Variants in HMBOX1 observed in about 807,000 individuals in gnomAD.
The protein encoded by HMBOX1 is homeobox-containing protein 1.
HMBOX1 carries 14 observed loss-of-function variants against 54.5 expected under a neutral mutation model. That is an observed-to-expected ratio of 0.26 (90% CI 0.17 to 0.40). HMBOX1 has a LOEUF of 0.40. Ranked by LOEUF, HMBOX1 falls within the 10% of genes least tolerant of loss-of-function variation. The pLI is 1.00. For synonymous variants in HMBOX1, 160 were observed against 181.0 expected (o/e 0.88, Z 0.93); for missense variants, 332 against 514.4 (o/e 0.65, Z 3.43).
At chr8:28,966,108 T>C (rs929063684) in intron 2 of HMBOX1, among the ~76,000 whole-genome samples, 3 of 152,334 alleles carry the variant, frequency 2.0e-5, no homozygotes, top group African/African-American at 7.2e-5. Flanking sequence ...TCAAGATTAA[T>C]TATTTGTGAA....
At chr8:28,968,088 A>G (rs1170985882) in intron 2 of HMBOX1, among the ~76,000 whole-genome samples, 1 of 152,252 alleles carries the variant, frequency 6.6e-6, no homozygotes, top group African/African-American at 2.4e-5. Flanking sequence ...ATGCAGATTC[A>G]TATGGAAATT....
chr8:28,974,769 C>T (rs1487553734), intron 3 of HMBOX1, among the ~76,000 whole-genome samples: 2 of 152,124 alleles, frequency 1.3e-5, no homozygotes, highest in African/African-American at 4.8e-5. Flanking sequence ...TTTATTCAAA[C>T]ATGAAAGAAA....
chr8:28,905,015 A>G (rs1030404028), intron 1 of HMBOX1, among the ~76,000 whole-genome samples: 1 of 152,316 alleles, frequency 6.6e-6, no homozygotes, highest in African/African-American at 2.4e-5. Context: ...AGTATAATCA[A>G]ATTCCACAGT....
intron 1 of HMBOX1, among the ~76,000 whole-genome samples, chr8:28,963,275 C>T (rs1243123335): frequency 2.0e-5 from 3 of 152,276 alleles, no homozygotes; most frequent in African/African-American, 2.4e-5. Flanking sequence ...TGAGCCACCA[C>T]GCCTGGCCTG....
intron 6 of HMBOX1, among the ~76,000 whole-genome samples, chr8:29,033,123 G>A (rs937736215): frequency 1.3e-5 from 2 of 152,024 alleles, no homozygotes; most frequent in Admixed American, 6.6e-5. Flanking sequence ...GATGTAAAAC[G>A]TGCACTCTGC....
chr8:29,009,344 CT>C lies in HMBOX1; in HGVS notation c.697+163del, dbSNP rs1406304796. 3 of 665,040 alleles carry C rather than the reference CT, an allele frequency of 4.5e-6. No individual in the cohort carries two copies. The African/African-American group carries it at 5.9e-5, about 13-fold the overall frequency. The allele number at this position is 665,040 out of a possible 1,614,324, so 41.2% of individuals were successfully genotyped here. ...CTTAACAGTAAAAGCTAAACCCTGA[CT>C]GTAATAAATTTTATTTTATTGTCTA... On this transcript the variant is annotated intron_variant, in intron 5 of 9. Coordinates refer to ENST00000287701, the MANE Select transcript of HMBOX1 (RefSeq NM_001135726.3).
chr8:28,893,417 G>A (rs1811433197), intron 1 of HMBOX1, among the ~76,000 whole-genome samples: 2 of 152,180 alleles, frequency 1.3e-5, no homozygotes, highest in Admixed American at 1.3e-4. Context: ...GATGTTGCCT[G>A]TATTATGGGA....
chr8:29,006,338 G>T (rs552524398), intron 4 of HMBOX1, among the ~76,000 whole-genome samples: 1 of 152,024 alleles, frequency 6.6e-6, no homozygotes, highest in Non-Finnish European at 1.5e-5. Flanking sequence ...CACATTGGGG[G>T]CTATTATGGA....
chr8:28,895,184 G>A (rs527919851), intron 1 of HMBOX1, among the ~76,000 whole-genome samples: 158 of 152,280 alleles, frequency 1.0e-3, no homozygotes, highest in Admixed American at 3.1e-3. Flanking sequence ...TTTATCTTAT[G>A]TCCAGAGATG....
At chr8:28,977,327 T>G (rs866960305) in intron 3 of HMBOX1, among the ~76,000 whole-genome samples, 6 of 152,244 alleles carry the variant, frequency 3.9e-5, no homozygotes, top group African/African-American at 1.4e-4. Context: ...TTAACCTGAA[T>G]AAATATTCTC....
chr8:28,974,597 C>T lies in HMBOX1; in HGVS notation c.500+4078C>T, dbSNP rs189931019. ...GATTATCTATAGGCTAAGTATTTTA[C>T]TTGCCTAAGTAGGATGTGCATGTTC... On this transcript the variant is annotated intron_variant, in intron 3 of 9. Coordinates refer to ENST00000287701, the MANE Select transcript of HMBOX1 (RefSeq NM_001135726.3). Among the ~76,000 whole-genome samples, 9 of 152,248 alleles carry T rather than the reference C, an allele frequency of 5.9e-5. No individual in the cohort carries two copies. The East Asian group carries it at 1.7e-3, about 29-fold the overall frequency.
At chr8:28,978,320 C>T (rs1216344426) in intron 3 of HMBOX1, among the ~76,000 whole-genome samples, 1 of 152,212 alleles carries the variant, frequency 6.6e-6, no homozygotes, top group Non-Finnish European at 1.5e-5. Context: ...TCCAAATAGT[C>T]TACAGAGAGA....
intron 1 of HMBOX1, among the ~76,000 whole-genome samples, chr8:28,926,833 C>T (rs1818603393): frequency 6.6e-6 from 1 of 152,194 alleles, no homozygotes. Flanking sequence ...GTGTGAGCCA[C>T]CACACTTGGC....
chr8:28,899,437 A>G (rs1404633646), intron 1 of HMBOX1, among the ~76,000 whole-genome samples: 1 of 152,224 alleles, frequency 6.6e-6, no homozygotes, highest in Non-Finnish European at 1.5e-5. Context: ...GGCACCCTCT[A>G]TCTATATAGT....
rs137902861 is a variant in HMBOX1, at chr8:28,989,622, A to G, written c.586+9466A>G. 2.6e-5 allele frequency among the ~76,000 whole-genome samples: 4 copies of G among 152,342 alleles called. No individual in the cohort carries two copies. In the East Asian group the frequency reaches 7.7e-4, roughly 29 times the overall value. On this transcript the variant is annotated intron_variant, in intron 4 of 9. Coordinates refer to ENST00000287701, the MANE Select transcript of HMBOX1 (RefSeq NM_001135726.3). The stretch of plus-strand genomic sequence containing the variant: ...ACTGTAGATTATTATAAGTCTTGAA[A>G]TCAGAAAGTGTAATTCCTCCCAATG...
intron 1 of HMBOX1, among the ~76,000 whole-genome samples, chr8:28,893,481 A>T (rs1395427711): frequency 1.3e-5 from 2 of 152,204 alleles, no homozygotes; most frequent in Non-Finnish European, 2.9e-5. Context: ...AGTTTACTGC[A>T]TTTAGTGAAC....
chr8:28,909,412 A>T (rs1302851642), intron 1 of HMBOX1, among the ~76,000 whole-genome samples: 12 of 152,184 alleles, frequency 7.9e-5, no homozygotes, highest in Admixed American at 7.9e-4. Context: ...GTTTCAGGAG[A>T]TATATTAATT....
intron 1 of HMBOX1, among the ~76,000 whole-genome samples, chr8:28,892,469 G>A (rs768367436): frequency 3.9e-5 from 6 of 152,012 alleles, no homozygotes; most frequent in South Asian, 2.1e-4. Context: ...TTAGTGTAAC[G>A]GATTTTTAAA....
At chr8:28,943,623 AT>A (rs947433933) in intron 1 of HMBOX1, among the ~76,000 whole-genome samples, 6 of 152,172 alleles carry the variant, frequency 3.9e-5, no homozygotes, top group African/African-American at 1.4e-4. Flanking sequence ...GATAATCAAT[AT>A]GCCAAAGTGA....
Sources: allele counts gnomAD v4.1 joint callset (sites outside exome capture counted in the v4.1 genomes callset), GRCh38; gene constraint gnomAD v4.1.1; transcripts MANE v1.5; gene names NCBI Gene and HGNC (gene_info 2026-07-23, HGNC 2026-07-21).